The following GLMN variants were observed in gnomAD, a reference collection of about 807,000 sequenced individuals.
GLMN encodes the protein glomulin.
In GLMN, 75 loss-of-function variants were observed where a neutral mutation model predicts 87.8. The ratio of observed to expected loss-of-function variants is 0.85; its 90% CI spans 0.71 to 1.04. The LOEUF is 1.04. Ranked by LOEUF, GLMN falls within the 50% of genes least tolerant of loss-of-function variation. The pLI is 0.00. For synonymous variants in GLMN, 206 were observed against 221.6 expected, an observed-to-expected ratio of 0.93 and a Z score of 0.63; for missense variants, 588 against 658.8, an observed-to-expected ratio of 0.89 and a Z score of 1.18.
chr1:92,356,715 A>G, the GLMN span, among the ~76,000 whole-genome samples: 8 of 150,460 alleles, frequency 5.3e-5, no homozygotes, highest in Non-Finnish European at 1.2e-4. Context: ...GATTACAGGC[A>G]TGAGCCACCA....
chr1:92,270,792 GTGAC>G (rs1227742198), intron 8 of GLMN, among the ~76,000 whole-genome samples: 2 of 152,156 alleles, frequency 1.3e-5, no homozygotes, highest in African/African-American at 4.8e-5. Flanking sequence ...TCTTCAGAAA[GTGAC>G]ATTTAAGGAT....
At chr1:92,352,191 T>C in the GLMN span, among the ~76,000 whole-genome samples, 2 of 152,220 alleles carry the variant, frequency 1.3e-5, no homozygotes, top group African/African-American at 4.8e-5. Context: ...GCCCGCTTCC[T>C]AGGCAGAGAC....
In GLMN at chr1:92,246,650, C is replaced by T. The variant is rs369814978; in HGVS notation, c.1669-4G>A. On this transcript the variant is annotated splice_polypyrimidine_tract_variant and splice_region_variant and intron_variant, in intron 18 of 18. Transcript: ENST00000370360. Reference sequence around the variant, plus strand: ...TGAAAAGAGCTGAATGCAGGACCTGCAATGCCAAGAAAAAGTAATGTTATT... The same window carrying T: ...TGAAAAGAGCTGAATGCAGGACCTGTAATGCCAAGAAAAAGTAATGTTATT... 17 of 1,426,542 alleles carry T rather than the reference C, an allele frequency of 1.2e-5. No individual in the cohort carries two copies. Among genetic ancestry groups the T allele is most frequent in the Non-Finnish European group, 1.5e-5 (15 of 1,008,786 alleles). The allele number at this position is 1,426,542 out of a possible 1,614,324, so 88.4% of individuals were successfully genotyped here.
chr1:92,277,183 A>G (rs926898719), intron 7 of GLMN, among the ~76,000 whole-genome samples: 1 of 152,206 alleles, frequency 6.6e-6, no homozygotes, highest in Non-Finnish European at 1.5e-5. Context: ...AATTAAAAAA[A>G]GGAAACAAAC....
the GLMN span, chr1:92,323,846 T>TA: frequency 6.2e-7 from 1 of 1,613,974 alleles, no homozygotes; most frequent in Non-Finnish European, 8.5e-7. Context: ...CCTGAAAGAT[T>TA]AAAAGCGTCA....
At chr1:92,369,364 G>A in the GLMN span, among the ~76,000 whole-genome samples, 1 of 152,138 alleles carries the variant, frequency 6.6e-6, no homozygotes, top group Non-Finnish European at 1.5e-5. Context: ...TGATCATAGC[G>A]CACTGTAAAC....
At chr1:92,304,360 A>AT in the GLMN span, 1 of 1,461,776 alleles carries the variant, frequency 6.8e-7, no homozygotes, top group Non-Finnish European at 9.4e-7. Flanking sequence ...GTGAGTTTAA[A>AT]GGCTTTCATT....
At chr1:92,334,939 G>T in the GLMN span, among the ~76,000 whole-genome samples, 1 of 152,140 alleles carries the variant, frequency 6.6e-6, no homozygotes, top group Admixed American at 6.5e-5. Context: ...AGTGAGCCAA[G>T]ATCGCACCAC....
upstream of GLMN, among the ~76,000 whole-genome samples, chr1:92,302,926 C>A (rs1334813617): frequency 6.6e-6 from 1 of 151,664 alleles, no homozygotes; most frequent in African/African-American, 2.4e-5. Context: ...TGGCCAGGCA[C>A]GATGGCTCAT....
the GLMN span, among the ~76,000 whole-genome samples, chr1:92,351,661 G>A: frequency 6.6e-6 from 1 of 152,060 alleles, no homozygotes; most frequent in Non-Finnish European, 1.5e-5. Flanking sequence ...TGTGCTGATG[G>A]TGACCTAAAA....
the GLMN span, chr1:92,323,320 G>C: frequency 3.7e-6 from 2 of 536,572 alleles, no homozygotes; most frequent in Non-Finnish European, 6.2e-6. Flanking sequence ...TTTGTCTGGG[G>C]AATAAAAATT....
At chr1:92,341,536 C>G in the GLMN span, among the ~76,000 whole-genome samples, 1 of 152,118 alleles carries the variant, frequency 6.6e-6, no homozygotes, top group Non-Finnish European at 1.5e-5. Flanking sequence ...CTCTCCAGTG[C>G]GTGGAACAGT....
upstream of GLMN, chr1:92,299,143 G>T: frequency 6.6e-7 from 1 of 1,511,862 alleles, no homozygotes; most frequent in Non-Finnish European, 8.9e-7. Context: ...TCGAAAAGCC[G>T]CAGGTAGGAG....
chr1:92,309,852 T>C, the GLMN span, among the ~76,000 whole-genome samples: 2 of 151,674 alleles, frequency 1.3e-5, no homozygotes, highest in Non-Finnish European at 2.9e-5. Context: ...AAGATAACAA[T>C]AGGTAAATAA....
the GLMN span, among the ~76,000 whole-genome samples, chr1:92,319,841 A>C: frequency 2.0e-5 from 3 of 152,114 alleles, no homozygotes; most frequent in Admixed American, 2.0e-4. Flanking sequence ...TCTACTAAAA[A>C]TACAAAACTA....
At chr1:92,350,504 TC>T in the GLMN span, among the ~76,000 whole-genome samples, 23 of 152,240 alleles carry the variant, frequency 1.5e-4, no homozygotes, top group African/African-American at 5.3e-4. Context: ...CTGATTTTGT[TC>T]CTGGAAAAGG....
intron 16 of GLMN, among the ~76,000 whole-genome samples, chr1:92,249,394 G>C (rs995678420): frequency 1.1e-4 from 16 of 151,620 alleles, no homozygotes; most frequent in African/African-American, 3.9e-4. Context: ...ATATGCAGCA[G>C]GAATTTCCTT....
At chr1:92,274,725 A>G (rs1454712480) in intron 7 of GLMN, among the ~76,000 whole-genome samples, 1 of 152,126 alleles carries the variant, frequency 6.6e-6, no homozygotes, top group Non-Finnish European at 1.5e-5. Flanking sequence ...CCCATGCTGG[A>G]TCTCTGAACA....
chr1:92,246,505 A>C lies in GLMN; in HGVS notation c.*25T>G. The C allele has an allele frequency of 1.0e-6, 1 of 963,242 alleles. No individual in the cohort carries two copies. Among genetic ancestry groups the C allele is most frequent in the Non-Finnish European group, 1.7e-6 (1 of 588,848 alleles). 59.7% of individuals were successfully genotyped at this position (963,242 alleles called of 1,614,324 possible). ...ATAATGGAAAGTACTATATTTTATTAGTTTTTATTTAGGAAATGGAACTTT... is the reference window on the plus strand; with the variant it reads ...ATAATGGAAAGTACTATATTTTATTCGTTTTTATTTAGGAAATGGAACTTT... On this transcript the variant is annotated 3_prime_UTR_variant, in exon 19 of 19. Coordinates refer to ENST00000370360, the MANE Select transcript of GLMN (RefSeq NM_053274.3).
Sources: gnomAD v4.1 joint callset for allele counts (sites outside exome capture counted in the v4.1 genomes callset) on GRCh38, gnomAD v4.1.1 for gene constraint, MANE v1.5 for transcripts, NCBI Gene and HGNC (gene_info 2026-07-23, HGNC 2026-07-21) for gene names.